GSDMC: variants seen among roughly 807,000 people sequenced by gnomAD.
GSDMC encodes the protein gasdermin C.
GSDMC carries 59 observed loss-of-function variants against 58.0 expected under a neutral mutation model. That is an observed-to-expected ratio of 1.02 (90% CI 0.82 to 1.26). The LOEUF (loss-of-function observed/expected upper bound fraction) is 1.26, where lower values mean the gene tolerates loss of function less well. Ranked by LOEUF, GSDMC falls within the 50% of genes most tolerant of loss-of-function variation. The pLI, the probability that GSDMC is intolerant of heterozygous loss-of-function variation, is 0.00. For missense variants in GSDMC, 659 were observed against 598.5 expected, an observed-to-expected ratio of 1.10 and a Z score of -1.06; for synonymous variants, 241 against 220.2, an observed-to-expected ratio of 1.09 and a Z score of -0.83.
At chr8:129,722,533 T>C in the GSDMC span, among the ~76,000 whole-genome samples, 1 of 152,196 alleles carries the variant, frequency 6.6e-6, no homozygotes, top group African/African-American at 2.4e-5. Flanking sequence ...CTTTGGCCCT[T>C]CTACTGCCCC....
intron 5 of GSDMC, 93 bp from the exon 6 acceptor site, chr8:129,760,682 T>C (rs2033625850): frequency 1.5e-6 from 1 of 682,286 alleles, no homozygotes; most frequent in South Asian, 1.8e-5. Context: ...ACCACTGGGA[T>C]GCCTGTTAAA....
chr8:129,771,650 A>G (rs1014032934), intron 3 of GSDMC, among the ~76,000 whole-genome samples: 2 of 152,168 alleles, frequency 1.3e-5, no homozygotes, highest in Non-Finnish European at 2.9e-5. Flanking sequence ...ATGGGATACA[A>G]CAAAAGCAGT....
rs1010063841 is a variant in GSDMC at position 129,750,496 on chromosome 8, C to T, written c.1018G>A (p.Val340Ile). 4.3e-6 allele frequency: 7 copies of T among 1,613,510 alleles called. No homozygotes were observed. The Admixed American group carries it at 1.0e-4, about 23-fold the overall frequency. The change falls in exon 11 of 14, where the codon GTC (valine) becomes ATC (isoleucine). Residue 340 changes from valine to isoleucine, a missense_variant. By Grantham distance (29) the Val-to-Ile change is conservative. Coordinates refer to ENST00000276708, the MANE Select transcript of GSDMC (RefSeq NM_031415.3). ...LAQLSKDVQD[V>I]MFYSILAMLR... is the part of the protein sequence containing the mutation. The stretch of plus-strand genomic sequence containing the variant: ...ATGGCCAGGATACTGTAGAACATGA[C>T]ATCCTGAACATCCTTTGAGAGCTGA...
chr8:129,770,885 G>A (rs2034024422), intron 3 of GSDMC, among the ~76,000 whole-genome samples: 1 of 151,844 alleles, frequency 6.6e-6, no homozygotes, highest in Non-Finnish European at 1.5e-5. Context: ...CTGCCTAAAA[G>A]AGATTCATGT....
the GSDMC span, chr8:129,730,430 T>C: frequency 1.8e-6 from 2 of 1,132,050 alleles, no homozygotes; most frequent in Admixed American, 5.6e-5. Context: ...TAGAAATTAT[T>C]TCCCAAAAAG....
At chr8:129,714,526 A>G in the GSDMC span, among the ~76,000 whole-genome samples, 1 of 152,270 alleles carries the variant, frequency 6.6e-6, no homozygotes, top group South Asian at 2.1e-4. Context: ...TGTGTATCTT[A>G]TTGTTGTCAT....
intron 13 of GSDMC, 121 bp from the exon 14 acceptor site, chr8:129,748,861 G>T: frequency 1.4e-6 from 1 of 696,320 alleles, no homozygotes; most frequent in Non-Finnish European, 2.2e-6. Context: ...GGGATCCAGC[G>T]GACCAGGAGT....
chr8:129,785,237 G>A (rs777116258), intron 1 of GSDMC, among the ~76,000 whole-genome samples: 9 of 152,142 alleles, frequency 5.9e-5, no homozygotes, highest in East Asian at 1.9e-4. Context: ...CCTGTCATTC[G>A]CAACAACATA....
the GSDMC span, among the ~76,000 whole-genome samples, chr8:129,720,318 A>G: frequency 2.0e-5 from 3 of 152,208 alleles, no homozygotes; most frequent in Non-Finnish European, 4.4e-5. Flanking sequence ...TATTATTATC[A>G]ACATTTGAGG....
chr8:129,730,567 C>A, the GSDMC span: 38 of 310,806 alleles, frequency 1.2e-4, no homozygotes, highest in South Asian at 6.9e-5. Flanking sequence ...AAGAAATATG[C>A]GTATTCTGAA....
chr8:129,716,306 G>T, the GSDMC span, among the ~76,000 whole-genome samples: 1 of 152,066 alleles, frequency 6.6e-6, no homozygotes, highest in Admixed American at 6.6e-5. Context: ...AAAATAAAAA[G>T]GTAAGAAAAG....
chr8:129,782,864 C>A (rs945293594), intron 1 of GSDMC, among the ~76,000 whole-genome samples: 1 of 151,472 alleles, frequency 6.6e-6, no homozygotes, highest in Non-Finnish European at 1.5e-5. Context: ...TTCTATGAGG[C>A]CAATATTACC....
chr8:129,740,045 T>G, the GSDMC span, among the ~76,000 whole-genome samples: 4 of 151,936 alleles, frequency 2.6e-5, no homozygotes, highest in African/African-American at 9.7e-5. Flanking sequence ...TAACAAAAAG[T>G]TTACAAACTA....
chr8:129,718,053 C>T, the GSDMC span, among the ~76,000 whole-genome samples: 1 of 152,090 alleles, frequency 6.6e-6, no homozygotes, highest in Non-Finnish European at 1.5e-5. Flanking sequence ...AATGTAAGAC[C>T]TAAAACCATA....
the GSDMC span, among the ~76,000 whole-genome samples, chr8:129,740,126 C>A: frequency 0.32 from 49,420 of 152,096 alleles, 11,629 homozygotes; most frequent in African/African-American, 0.65. Flanking sequence ...ATGTTATGTA[C>A]AGCTTTAGAA....
the GSDMC span, among the ~76,000 whole-genome samples, chr8:129,710,897 C>T: frequency 6.6e-6 from 1 of 152,142 alleles, no homozygotes; most frequent in Admixed American, 6.5e-5. Flanking sequence ...GTTTGAGGCC[C>T]CCTAGAGACT....
In GSDMC at chr8:129,760,854, A is replaced by C. The variant is rs149185859; in HGVS notation, c.677-265T>G. ...GCTCCCTTTGACCTTCACTAGGTAG[A>C]ATTGCCTCTTGCTGCCCTTTTCTTA... is the stretch of plus-strand genomic sequence containing the variant. On this transcript the variant is annotated intron_variant, in intron 5 of 13. Coordinates refer to ENST00000276708, the MANE Select transcript of GSDMC (RefSeq NM_031415.3). Among the ~76,000 whole-genome samples the C allele has an allele frequency of 8.5e-5, 13 of 152,324 alleles. No homozygotes were observed. The East Asian group carries it at 2.1e-3, about 25-fold the overall frequency.
At chr8:129,711,005 A>G in the GSDMC span, among the ~76,000 whole-genome samples, 4 of 152,198 alleles carry the variant, frequency 2.6e-5, no homozygotes, top group Non-Finnish European at 4.4e-5. Context: ...CTCCTGGACC[A>G]TCTTGTCCAG....
chr8:129,776,232 T>C lies in GSDMC; in HGVS notation c.274A>G (p.Lys92Glu). ...CCAACATTCACACCCATGTCAGCCTTATGCTTCTGGATCATAATGTCACTG... is the reference window on the plus strand; with the variant it reads ...CCAACATTCACACCCATGTCAGCCTCATGCTTCTGGATCATAATGTCACTG... ...HFSDIMIQKH[K>E]ADMGVNVGIE... The change falls in exon 3 of 14, where the codon AAG becomes GAG. Residue 92 changes from lysine to glutamate, a missense_variant. Physicochemically the swap from Lys to Glu is moderately conservative, Grantham distance 56. Coordinates refer to ENST00000276708, the MANE Select transcript of GSDMC (RefSeq NM_031415.3). 1 of 1,613,824 alleles carries C rather than the reference T, an allele frequency of 6.2e-7. No homozygotes were observed. The highest frequency in any genetic ancestry group is 8.5e-7 in the Non-Finnish European group (1 of 1,179,790).
Sources: allele counts gnomAD v4.1 joint callset (sites outside exome capture counted in the v4.1 genomes callset), GRCh38; gene constraint gnomAD v4.1.1; transcripts MANE v1.5; gene names NCBI Gene and HGNC (gene_info 2026-07-23, HGNC 2026-07-21).